KNDC1: variants seen among roughly 807,000 people sequenced by gnomAD.
KNDC1 encodes kinase non-catalytic C-lobe domain-containing protein 1.
In KNDC1, 106 loss-of-function variants were observed where a neutral mutation model predicts 172.8. The observed-to-expected ratio is 0.61, with a 90% CI of 0.52 to 0.72. The LOEUF (loss-of-function observed/expected upper bound fraction) is 0.72. Ranked by LOEUF, KNDC1 falls within the 30% of genes least tolerant of loss-of-function variation. The probability of loss-of-function intolerance (pLI) is 0.00; values close to 1 mark genes in which losing one functional copy is unlikely to be tolerated. For missense variants in KNDC1, 2,325 were observed against 2,394.5 expected (o/e 0.97, Z 0.61); for synonymous variants, 1,083 against 1,062.2 (o/e 1.02, Z -0.38).
intron 14 of KNDC1, 59 bp downstream of exon 14, chr10:133,199,325 G>A: frequency 1.3e-6 from 2 of 1,547,890 alleles, no homozygotes; most frequent in Non-Finnish European, 1.7e-6. Flanking sequence ...CCCCACAGGG[G>A]ACTCGGGGCC....
intron 10 of KNDC1, among the ~76,000 whole-genome samples, chr10:133,196,182 G>C (rs575829338): frequency 6.6e-6 from 1 of 152,198 alleles, no homozygotes; most frequent in Admixed American, 6.5e-5. Context: ...CTGGAGGGGA[G>C]CAGAGAGAGG....
intron 1 of KNDC1, among the ~76,000 whole-genome samples, chr10:133,166,349 G>A (rs971072541): frequency 6.6e-6 from 1 of 152,230 alleles, no homozygotes; most frequent in Non-Finnish European, 1.5e-5. Context: ...GCACACCCAA[G>A]AGGGCCTTCA....
At chr10:133,218,730 G>C (rs560172647) in intron 26 of KNDC1, 101 bp from the exon 27 acceptor site, 27 of 1,421,688 alleles carry the variant, frequency 1.9e-5, no homozygotes, top group Middle Eastern at 2.1e-4. Context: ...TGCAGCACAC[G>C]CTCTTGTGTC....
intron 25 of KNDC1, 89 bp downstream of exon 25, chr10:133,213,816 G>A (rs1226042633): frequency 1.4e-6 from 2 of 1,455,998 alleles, no homozygotes; most frequent in Non-Finnish European, 9.6e-7. Context: ...TGACCAGCAG[G>A]AGATGCCTGT....
chr10:133,216,506 G>A (rs995066298), intron 26 of KNDC1, among the ~76,000 whole-genome samples: 11 of 151,938 alleles, frequency 7.2e-5, no homozygotes, highest in Admixed American at 2.6e-4. Context: ...TCGAAACCCC[G>A]TCTCTACTGA....
At chr10:133,223,631 C>T (rs554927765) in intron 29 of KNDC1, among the ~76,000 whole-genome samples, 2 of 67,288 alleles carry the variant, frequency 3.0e-5, no homozygotes, top group Admixed American at 1.7e-4. Context: ...ATGCTCTTCC[C>T]GGCGTGTGTC....
At chr10:133,211,958 C>G in intron 23 of KNDC1, 100 bp downstream of exon 23, 2 of 1,209,640 alleles carry the variant, frequency 1.7e-6, no homozygotes, top group Non-Finnish European at 2.3e-6. Context: ...CACATACACA[C>G]AAGTGCAAAT....
At chr10:133,215,796 C>T (rs539677111) in intron 26 of KNDC1, among the ~76,000 whole-genome samples, 9 of 152,236 alleles carry the variant, frequency 5.9e-5, no homozygotes, top group African/African-American at 1.9e-4. Context: ...GTCACGCACC[C>T]GTGTACAGGT....
At chr10:133,173,251 G>A (rs1853429833) in intron 3 of KNDC1, among the ~76,000 whole-genome samples, 1 of 152,118 alleles carries the variant, frequency 6.6e-6, no homozygotes, top group Non-Finnish European at 1.5e-5. Flanking sequence ...TGCTCTCCTG[G>A]CCTGTCTGTG....
intron 24 of KNDC1, among the ~76,000 whole-genome samples, 182 bp from the exon 25 acceptor site, chr10:133,213,463 C>A (rs1845412775): frequency 6.6e-6 from 1 of 152,220 alleles, no homozygotes; most frequent in Admixed American, 6.5e-5. Flanking sequence ...ACACCATGAG[C>A]CCCTGGGGGC....
intron 17 of KNDC1, among the ~76,000 whole-genome samples, chr10:133,203,908 C>T (rs552240666): frequency 2.0e-5 from 3 of 152,340 alleles, no homozygotes; most frequent in South Asian, 2.1e-4. Context: ...GTGGAGGTGC[C>T]GGCCAGAGAG....
At chr10:133,186,793 C>T (rs1013516556) in intron 6 of KNDC1, 119 bp downstream of exon 6, 3 of 723,582 alleles carry the variant, frequency 4.1e-6, no homozygotes, top group East Asian at 2.9e-5. Context: ...CACCCTCGCT[C>T]CATAATTAAA....
intron 3 of KNDC1, among the ~76,000 whole-genome samples, chr10:133,175,062 AATGG>A (rs775355525): frequency 2.3e-4 from 21 of 91,716 alleles, no homozygotes; most frequent in African/African-American, 3.1e-4. Context: ...TGGATGGGTA[AATGG>A]ATGGGTGGGT....
chr10:133,203,874 C>T (rs553405629), intron 17 of KNDC1, among the ~76,000 whole-genome samples: 2 of 152,248 alleles, frequency 1.3e-5, no homozygotes, highest in Non-Finnish European at 2.9e-5. Context: ...CGACGGACAT[C>T]GAGTCTGACT....
chr10:133,222,287 A>C (rs552087889), intron 29 of KNDC1, among the ~76,000 whole-genome samples: 7 of 151,848 alleles, frequency 4.6e-5, no homozygotes, highest in African/African-American at 1.7e-4. Context: ...CGTCTCAAAA[A>C]AAAAAAAAAA....
At position 133,214,199 on chromosome 10, in the gene KNDC1, G is replaced by A; in HGVS notation, c.4677+77G>A. The A allele has an allele frequency of 1.3e-5, 20 of 1,506,336 alleles. No homozygotes were observed. The Admixed American group carries it at 3.5e-4, about 26-fold the overall frequency. 93.3% of individuals were successfully genotyped at this position (1,506,336 alleles called of 1,614,324 possible). On this transcript the variant is annotated intron_variant, in intron 26 of 29. Coordinates refer to ENST00000304613, the MANE Select transcript of KNDC1 (RefSeq NM_152643.8). Reference sequence around the variant, plus strand: ...CGGGGGTGGCAGCGCCTCCTATAAGGCCGTGGCCTGAACCCTCTCCCAATG... The same window carrying A: ...CGGGGGTGGCAGCGCCTCCTATAAGACCGTGGCCTGAACCCTCTCCCAATG...
At position 133,225,010 on chromosome 10, in the gene KNDC1, G is replaced by A. The variant is rs1589782283; in HGVS notation, c.*120G>A. 4 of 794,196 alleles carry A rather than the reference G, an allele frequency of 5.0e-6. No individual in the cohort carries two copies. The highest frequency in any genetic ancestry group is 3.4e-5 in the South Asian group (2 of 58,988). The allele number at this position is 794,196 out of a possible 1,614,324, so 49.2% of individuals were successfully genotyped here. ...AAGGCCCCTCCGCCCCCGAACCCTG[G>A]GGAGCTGGACCAGGAGGTGGAGGCT... On this transcript the variant is annotated 3_prime_UTR_variant, in exon 30 of 30. Coordinates refer to ENST00000304613, the MANE Select transcript of KNDC1 (RefSeq NM_152643.8).
At chr10:133,212,444 C>T (rs749821254) in intron 23 of KNDC1, among the ~76,000 whole-genome samples, 2 of 152,252 alleles carry the variant, frequency 1.3e-5, no homozygotes, top group Admixed American at 6.5e-5. Context: ...GGGCCAGAGA[C>T]TAAGGCAGAA....
intron 3 of KNDC1, among the ~76,000 whole-genome samples, chr10:133,182,362 A>G (rs1365452890): frequency 6.6e-6 from 1 of 152,144 alleles, no homozygotes; most frequent in East Asian, 1.9e-4. Flanking sequence ...CCAGCCCAGG[A>G]TGCAGGTGCG....
Sources: allele counts gnomAD v4.1 joint callset (sites outside exome capture counted in the v4.1 genomes callset), GRCh38; gene constraint gnomAD v4.1.1; transcripts MANE v1.5; gene names NCBI Gene and HGNC (gene_info 2026-07-23, HGNC 2026-07-21).